GET1: variants seen among roughly 807,000 people sequenced by gnomAD.
GET1 encodes the protein congenital heart disease 5 protein.
In GET1, 20 loss-of-function variants were observed where a neutral mutation model predicts 22.6. The ratio of observed to expected loss-of-function variants is 0.89; its 90% confidence interval spans 0.62 to 1.29. The LOEUF (loss-of-function observed/expected upper bound fraction) is 1.29. Among genes scored for constraint, GET1 ranks in the 50% most tolerant of loss-of-function variants. The pLI is 0.00. For synonymous variants in GET1, 92 were observed against 83.8 expected, an observed-to-expected ratio of 1.10 and a Z score of -0.53; for missense variants, 209 against 219.9, an observed-to-expected ratio of 0.95 and a Z score of 0.31.
downstream of GET1, chr21:39,410,745 C>T (rs1489704096): frequency 4.0e-5 from 18 of 447,828 alleles, no homozygotes; most frequent in East Asian, 6.3e-4. Flanking sequence ...CATGCTGAAG[C>T]GCATGACCAC....
chr21:39,420,906 T>C, intron 1 of GET1: 1 of 1,273,924 alleles, frequency 7.8e-7, no homozygotes, highest in South Asian at 1.3e-5. Flanking sequence ...ACTTCAATTA[T>C]CATGGAACTA....
At chr21:39,390,587 A>C in intron 1 of GET1, 111 bp from the exon 2 acceptor site, 4 of 1,426,184 alleles carry the variant, frequency 2.8e-6, no homozygotes, top group Non-Finnish European at 3.8e-6. Flanking sequence ...GACGCACACA[A>C]CTGGCTGGGT....
chr21:39,380,759 G>T, intron 1 of GET1: 1 of 1,167,906 alleles, frequency 8.6e-7, no homozygotes, highest in Non-Finnish European at 1.1e-6. Flanking sequence ...CTCACACTGG[G>T]AGTTCCTAGT....
intron 1 of GET1, among the ~76,000 whole-genome samples, chr21:39,388,103 A>G (rs2038045556): frequency 1.3e-5 from 2 of 152,168 alleles, no homozygotes; most frequent in African/African-American, 2.4e-5. Flanking sequence ...GGCCGGGCAC[A>G]GTGGCTCACG....
downstream of GET1, among the ~76,000 whole-genome samples, chr21:39,409,251 C>G (rs1165427776): frequency 6.6e-6 from 1 of 152,154 alleles, no homozygotes; most frequent in Admixed American, 6.5e-5. The surrounding 1 kb of genome is among the most constrained non-coding windows in gnomAD (Gnocchi z 4.2). Flanking sequence ...GGAAGAGGGC[C>G]TTAACTGAAG....
chr21:39,386,906 G>A (rs1014393929), intron 1 of GET1, among the ~76,000 whole-genome samples: 2 of 151,212 alleles, frequency 1.3e-5, no homozygotes, highest in East Asian at 3.9e-4. Context: ...GTGTGGTGGT[G>A]CCATCATAAC....
At chr21:39,402,177 C>T (rs1012221246), downstream of GET1, among the ~76,000 whole-genome samples, 3 of 152,116 alleles carry the variant, frequency 2.0e-5, no homozygotes, top group East Asian at 5.8e-4. Flanking sequence ...GATCTCGGCT[C>T]ACAGCAACCC....
intron 1 of GET1, chr21:39,428,181 G>T: frequency 6.4e-7 from 1 of 1,571,172 alleles, no homozygotes; most frequent in Non-Finnish European, 8.7e-7. Flanking sequence ...CCTTTAGATT[G>T]GGAGATTTTA....
downstream of GET1, chr21:39,410,771 CT>C: frequency 2.1e-6 from 1 of 466,042 alleles, no homozygotes; most frequent in Non-Finnish European, 4.4e-6. Flanking sequence ...CTAGACTGCA[CT>C]TTCCTGAAAA....
chr21:39,422,550 T>C, intron 1 of GET1: 1 of 209,674 alleles, frequency 4.8e-6, no homozygotes, highest in East Asian at 1.1e-4. Context: ...ACAAAGGCCC[T>C]GAACGGATGC....
downstream of GET1, chr21:39,409,862 G>C: frequency 1.6e-6 from 1 of 623,456 alleles, no homozygotes; most frequent in South Asian, 2.0e-5. The surrounding 1 kb of genome is among the most constrained non-coding windows in gnomAD (Gnocchi z 4.2). Flanking sequence ...CCAAAGTGCT[G>C]GGATTACAGG....
intron 1 of GET1, chr21:39,428,213 T>G: frequency 6.3e-7 from 1 of 1,599,392 alleles, no homozygotes; most frequent in Non-Finnish European, 8.5e-7. Flanking sequence ...CTTTTTCTTC[T>G]CCTTTTCTTT....
intron 1 of GET1, chr21:39,428,085 G>A: frequency 5.4e-6 from 4 of 736,646 alleles, no homozygotes; most frequent in East Asian, 2.5e-5. Context: ...CAATAAAACT[G>A]AGTATGAACC....
chr21:39,402,659 A>G (rs2038869306), downstream of GET1, among the ~76,000 whole-genome samples: 1 of 152,240 alleles, frequency 6.6e-6, no homozygotes. Flanking sequence ...AACGTTTTCT[A>G]TAGTTGGTAC....
downstream of GET1, chr21:39,410,335 TTC>T (rs778124558): frequency 1.2e-6 from 2 of 1,609,474 alleles, no homozygotes. Flanking sequence ...GGCAAAATTT[TTC>T]TGTCTGCTTG....
chr21:39,393,598 A>G (rs1197051818), intron 4 of GET1, among the ~76,000 whole-genome samples: 1 of 152,100 alleles, frequency 6.6e-6, no homozygotes, highest in African/African-American at 2.4e-5. Flanking sequence ...TATCTTTTCA[A>G]TCCCTATTAT....
chr21:39,406,332 T>C, exon 5 of GET1: 2 of 1,614,170 alleles, frequency 1.2e-6, no homozygotes, highest in Non-Finnish European at 1.7e-6. Flanking sequence ...AGTAATGTCT[T>C]CTTTGTCTGA....
chr21:39,381,039 CCT>C, intron 1 of GET1: 1 of 775,514 alleles, frequency 1.3e-6, no homozygotes, highest in Non-Finnish European at 1.6e-6. Flanking sequence ...GAGTACATTA[CCT>C]CTGTCTCACG....
intron 1 of GET1, among the ~76,000 whole-genome samples, chr21:39,418,967 G>A (rs1601796738): frequency 1.3e-5 from 2 of 152,108 alleles, no homozygotes; most frequent in Admixed American, 6.5e-5. Context: ...AGCTGCAATA[G>A]CCATGCCTAT....
Sources: allele counts gnomAD v4.1 joint callset (sites outside exome capture counted in the v4.1 genomes callset), GRCh38; gene constraint gnomAD v4.1.1; non-coding constraint Gnocchi (gnomAD v3.1); transcripts MANE v1.5; gene names NCBI Gene and HGNC (gene_info 2026-07-23, HGNC 2026-07-21).